Variants in LRRC4C observed in about 807,000 individuals in gnomAD.
LRRC4C encodes the protein leucine-rich repeat-containing protein 4C.
A neutral mutation model predicts 33.6 loss-of-function variants in LRRC4C; 5 were observed. The observed-to-expected ratio is 0.15, with a 90% CI of 0.08 to 0.31. LRRC4C has a LOEUF of 0.31. LRRC4C is among the 10% of genes least tolerant of loss of function. The pLI is 1.00. For synonymous variants in LRRC4C, 329 were observed against 302.0 expected, an observed-to-expected ratio of 1.09 and a Z score of -0.93; for missense variants, 560 against 796.7, an observed-to-expected ratio of 0.70 and a Z score of 3.58.
chr11:41,127,910 T>G (rs984609941), intron 1 of LRRC4C, among the ~76,000 whole-genome samples: 1 of 152,106 alleles, frequency 6.6e-6, no homozygotes, highest in African/African-American at 2.4e-5. Flanking sequence ...TGTTTGTTAT[T>G]ATGGCACTAC....
intron 3 of LRRC4C, among the ~76,000 whole-genome samples, chr11:40,423,367 C>T (rs1337918999): frequency 1.9e-5 from 2 of 103,016 alleles, no homozygotes; most frequent in African/African-American, 3.6e-5. Context: ...TTTTTTGAGA[C>T]GGAGTCTCGC....
At chr11:40,734,493 A>G (rs1215372412) in intron 2 of LRRC4C, among the ~76,000 whole-genome samples, 1 of 152,150 alleles carries the variant, frequency 6.6e-6, no homozygotes, top group Non-Finnish European at 1.5e-5. Context: ...ACCACGAGCT[A>G]CACAGGTTGG....
At chr11:40,247,670 G>A (rs1866460656) in intron 4 of LRRC4C, among the ~76,000 whole-genome samples, 1 of 151,902 alleles carries the variant, frequency 6.6e-6, no homozygotes, top group Non-Finnish European at 1.5e-5. Flanking sequence ...TTGTGTGTGC[G>A]TTTTTTGTTG....
intron 5 of LRRC4C, among the ~76,000 whole-genome samples, chr11:40,181,911 C>T (rs1228353992): frequency 1.3e-5 from 2 of 152,120 alleles, no homozygotes; most frequent in Non-Finnish European, 2.9e-5. Context: ...TGGCCAATCC[C>T]CTTCCCTCTC....
chr11:40,202,348 A>G (rs1475061886), intron 5 of LRRC4C, among the ~76,000 whole-genome samples: 1 of 151,736 alleles, frequency 6.6e-6, no homozygotes, highest in Non-Finnish European at 1.5e-5. Context: ...CCACTCACAC[A>G]TCAGCCCCAA....
intron 1 of LRRC4C, among the ~76,000 whole-genome samples, chr11:41,396,997 A>G (rs1393696721): frequency 1.3e-5 from 2 of 152,006 alleles, no homozygotes; most frequent in Non-Finnish European, 2.9e-5. Flanking sequence ...TCTCCCATCA[A>G]CGCTATGAAG....
chr11:41,358,889 A>G (rs190452583), intron 1 of LRRC4C, among the ~76,000 whole-genome samples: 43 of 152,320 alleles, frequency 2.8e-4, no homozygotes, highest in Admixed American at 1.8e-3. Flanking sequence ...CACAGAAGTT[A>G]AAAATATATA....
At chr11:41,309,557 C>T (rs1024897398) in intron 1 of LRRC4C, among the ~76,000 whole-genome samples, 23 of 152,182 alleles carry the variant, frequency 1.5e-4, no homozygotes, top group Non-Finnish European at 2.9e-5. Flanking sequence ...ACAGTTCACC[C>T]TCTCTCCCAC....
intron 6 of LRRC4C, among the ~76,000 whole-genome samples, chr11:40,120,865 G>T (rs1855773345): frequency 6.6e-6 from 1 of 152,140 alleles, no homozygotes; most frequent in African/African-American, 2.4e-5. Flanking sequence ...ATCCCTGTTT[G>T]AACCTCAGTG....
intron 5 of LRRC4C, among the ~76,000 whole-genome samples, chr11:40,226,249 G>C (rs190373705): frequency 3.3e-5 from 5 of 152,094 alleles, no homozygotes; most frequent in Admixed American, 1.3e-4. Flanking sequence ...CTAGTATATC[G>C]GCAACAATGA....
intron 5 of LRRC4C, among the ~76,000 whole-genome samples, chr11:40,166,685 T>C (rs1014821845): frequency 1.4e-4 from 21 of 152,184 alleles, no homozygotes; most frequent in Non-Finnish European, 2.8e-4. Context: ...AGCTCATCAC[T>C]GCAGCTCTTT....
intron 1 of LRRC4C, among the ~76,000 whole-genome samples, chr11:40,979,065 C>T (rs921849085): frequency 1.3e-5 from 2 of 152,144 alleles, no homozygotes; most frequent in African/African-American, 2.4e-5. Flanking sequence ...CCCCTCTGAC[C>T]TGTAACCCTT....
At chr11:41,429,080 G>A (rs1955143710) in intron 1 of LRRC4C, among the ~76,000 whole-genome samples, 3 of 152,122 alleles carry the variant, frequency 2.0e-5, no homozygotes, top group Admixed American at 2.0e-4. Context: ...AATTTGATCT[G>A]GGGGCAGTTA....
At chr11:40,344,700 G>A (rs1412996119) in intron 3 of LRRC4C, among the ~76,000 whole-genome samples, 1 of 151,946 alleles carries the variant, frequency 6.6e-6, no homozygotes, top group Non-Finnish European at 1.5e-5. Context: ...AGTAGGAAGA[G>A]AGAAAGTCAA....
At chr11:41,079,115 G>T (rs1235966063) in intron 1 of LRRC4C, among the ~76,000 whole-genome samples, 3 of 152,114 alleles carry the variant, frequency 2.0e-5, no homozygotes, top group Non-Finnish European at 2.9e-5. Flanking sequence ...TGTCTAAAAG[G>T]CCCATATCTT....
At chr11:40,665,325 A>AAAATAT (rs1943712197) in intron 2 of LRRC4C, among the ~76,000 whole-genome samples, 6 of 13,444 alleles carry the variant, frequency 4.5e-4, no homozygotes, top group Non-Finnish European at 8.2e-4. Flanking sequence ...AAAAAAAAAA[A>AAAATAT]ATATATATAT....
intron 3 of LRRC4C, among the ~76,000 whole-genome samples, chr11:40,416,493 A>G (rs1375454133): frequency 1.3e-5 from 2 of 152,192 alleles, no homozygotes; most frequent in Admixed American, 1.3e-4. Flanking sequence ...TAGTAAGCAG[A>G]TACTGATTAC....
At chr11:40,939,462 A>C (rs1206866369) in intron 1 of LRRC4C, among the ~76,000 whole-genome samples, 2 of 146,094 alleles carry the variant, frequency 1.4e-5, no homozygotes, top group Non-Finnish European at 3.0e-5. Flanking sequence ...ACTTACTGTA[A>C]AGGATGAATA....
At chr11:41,065,360 T>C (rs558381256) in intron 1 of LRRC4C, among the ~76,000 whole-genome samples, 1 of 152,118 alleles carries the variant, frequency 6.6e-6, no homozygotes. Flanking sequence ...TCCTCCTCAC[T>C]GGGTGAGGCA....
Sources: allele counts gnomAD v4.1 joint callset (sites outside exome capture counted in the v4.1 genomes callset), GRCh38; gene constraint gnomAD v4.1.1; transcripts MANE v1.5; gene names NCBI Gene and HGNC (gene_info 2026-07-23, HGNC 2026-07-21).